Variants in MEGF11 observed in about 807,000 individuals in gnomAD.
The protein encoded by MEGF11 is multiple epidermal growth factor-like domains protein 11.
MEGF11 carries 126 observed loss-of-function variants against 146.6 expected under a neutral mutation model. The observed-to-expected ratio is 0.86, with a 90% CI of 0.74 to 1.00. The LOEUF (loss-of-function observed/expected upper bound fraction) is 1.00, where lower values mean the gene tolerates loss of function less well. Ranked by LOEUF, MEGF11 falls within the 50% of genes least tolerant of loss-of-function variation. The probability of loss-of-function intolerance (pLI) is 0.00; values close to 1 mark genes in which losing one functional copy is unlikely to be tolerated. For missense variants in MEGF11, 1,509 were observed against 1,521.2 expected (o/e 0.99, Z 0.13); for synonymous variants, 532 against 583.4 (o/e 0.91, Z 1.27).
intron 10 of MEGF11, among the ~76,000 whole-genome samples, chr15:65,936,098 T>A (rs769343744): frequency 3.9e-5 from 6 of 152,208 alleles, no homozygotes; most frequent in African/African-American, 7.2e-5. Flanking sequence ...TTGGCATTGA[T>A]GTCCACACGT....
intron 1 of MEGF11, among the ~76,000 whole-genome samples, chr15:66,251,265 C>T (rs538527725): frequency 6.6e-6 from 1 of 152,234 alleles, no homozygotes; most frequent in Non-Finnish European, 1.5e-5. Flanking sequence ...CCTGACAACC[C>T]TCCTTCCCCA....
intron 1 of MEGF11, among the ~76,000 whole-genome samples, chr15:66,186,609 G>A (rs549856951): frequency 6.6e-6 from 1 of 152,198 alleles, no homozygotes; most frequent in Non-Finnish European, 1.5e-5. Flanking sequence ...CATCTCTCGA[G>A]CCCCGGGCTG....
rs1468576841 is a variant in MEGF11, at chr15:65,982,236, A to G, written c.641+6T>C. On this transcript the variant is annotated splice_donor_region_variant and intron_variant, in intron 6 of 25. Coordinates refer to ENST00000395614, the MANE Select transcript of MEGF11 (RefSeq NM_001385028.1). The surrounding 1 kb of genome is among the most constrained non-coding windows in gnomAD (Gnocchi z 5.6). Reference sequence around the variant, plus strand: ...CCGCCCCTCCAGGTCCTGCCGCATGACTCACTAGACGCCGGTGTAGCCAGG... The same window carrying G: ...CCGCCCCTCCAGGTCCTGCCGCATGGCTCACTAGACGCCGGTGTAGCCAGG... 2 of 1,478,786 alleles carry G rather than the reference A, an allele frequency of 1.4e-6. No homozygotes were observed. The highest frequency in any genetic ancestry group is 2.9e-5 in the African/African-American group (2 of 69,178). 91.6% of individuals were successfully genotyped at this position (1,478,786 alleles called of 1,614,324 possible).
chr15:66,082,319 G>A (rs2085890563), intron 5 of MEGF11, among the ~76,000 whole-genome samples: 1 of 150,554 alleles, frequency 6.6e-6, no homozygotes, highest in African/African-American at 2.5e-5. Context: ...CAGGCGTGGT[G>A]GCTCATGCCT....
At chr15:66,207,328 C>A (rs2091325733) in intron 1 of MEGF11, among the ~76,000 whole-genome samples, 1 of 152,178 alleles carries the variant, frequency 6.6e-6, no homozygotes, top group Admixed American at 6.5e-5. Context: ...TCGTCCTGTA[C>A]AATGAAACTC....
chr15:65,962,046 G>A (rs899076191), intron 9 of MEGF11, among the ~76,000 whole-genome samples: 1 of 152,202 alleles, frequency 6.6e-6, no homozygotes, highest in Non-Finnish European at 1.5e-5. Flanking sequence ...ACGGATACTT[G>A]CTTAGACAGA....
At chr15:65,908,484 C>T (rs1219468353) in intron 23 of MEGF11, among the ~76,000 whole-genome samples, 1 of 152,204 alleles carries the variant, frequency 6.6e-6, no homozygotes, top group African/African-American at 2.4e-5. Flanking sequence ...CACCAGATTT[C>T]AGCCCAGGCT....
At chr15:66,181,986 C>G (rs1223116671) in intron 1 of MEGF11, among the ~76,000 whole-genome samples, 2 of 152,204 alleles carry the variant, frequency 1.3e-5, no homozygotes, top group East Asian at 3.8e-4. Flanking sequence ...CAAACCAGCA[C>G]AGAGCCTGGC....
intron 11 of MEGF11, 85 bp from the exon 12 acceptor site, chr15:65,929,968 A>G: frequency 7.6e-7 from 1 of 1,322,758 alleles, no homozygotes; most frequent in East Asian, 2.5e-5. Flanking sequence ...TGCACACAGC[A>G]TTCCACCCAA....
chr15:65,978,801 C>G (rs1351047995), intron 7 of MEGF11, among the ~76,000 whole-genome samples: 1 of 152,180 alleles, frequency 6.6e-6, no homozygotes, highest in Non-Finnish European at 1.5e-5. Context: ...GATGGACAGA[C>G]AGACACCAAG....
chr15:65,923,728 G>A (rs1462125557), intron 13 of MEGF11, among the ~76,000 whole-genome samples: 1 of 152,244 alleles, frequency 6.6e-6, no homozygotes, highest in Admixed American at 6.5e-5. Context: ...AGAGGCTTAT[G>A]GGGGAATGGA....
chr15:65,914,421 C>T (rs745335469), intron 19 of MEGF11, among the ~76,000 whole-genome samples: 5 of 152,154 alleles, frequency 3.3e-5, no homozygotes, highest in Non-Finnish European at 7.3e-5. Flanking sequence ...TTGTGTGGCT[C>T]AGAGTCCCTG....
intron 1 of MEGF11, among the ~76,000 whole-genome samples, chr15:66,128,730 C>T (rs1226271118): frequency 2.6e-5 from 4 of 152,080 alleles, no homozygotes; most frequent in African/African-American, 9.7e-5. Flanking sequence ...GTCCTCAGGC[C>T]CCCGGGCCCA....
chr15:66,145,963 C>A (rs907891771), intron 1 of MEGF11, among the ~76,000 whole-genome samples: 1 of 152,164 alleles, frequency 6.6e-6, no homozygotes. Context: ...TACCGTTGGG[C>A]GCACAGTAAA....
chr15:66,074,098 G>A (rs1342712581), intron 5 of MEGF11, among the ~76,000 whole-genome samples: 1 of 152,146 alleles, frequency 6.6e-6, no homozygotes, highest in African/African-American at 2.4e-5. Context: ...AATTCCTTGG[G>A]TATCCCTCCC....
At chr15:66,232,786 C>T (rs1024257973) in intron 1 of MEGF11, among the ~76,000 whole-genome samples, 23 of 152,162 alleles carry the variant, frequency 1.5e-4, no homozygotes, top group African/African-American at 5.1e-4. Context: ...AGGCCCTGTG[C>T]CAGCCAAGTG....
At chr15:65,989,613 C>T (rs574004301) in intron 5 of MEGF11, among the ~76,000 whole-genome samples, 1 of 152,360 alleles carries the variant, frequency 6.6e-6, no homozygotes, top group East Asian at 1.9e-4. Context: ...TGTCAACTGA[C>T]TTGCCCCAGT....
At chr15:65,956,736 A>G (rs930711498) in intron 10 of MEGF11, among the ~76,000 whole-genome samples, 1 of 152,258 alleles carries the variant, frequency 6.6e-6, no homozygotes, top group African/African-American at 2.4e-5. Flanking sequence ...AGCATAATTC[A>G]TGAGAAAATA....
intron 1 of MEGF11, among the ~76,000 whole-genome samples, chr15:66,187,327 A>T (rs527477998): frequency 1.4e-3 from 213 of 152,288 alleles, no homozygotes; most frequent in African/African-American, 4.9e-3. Flanking sequence ...GGACAGAAAG[A>T]GCAGGCCTTC....
Sources: allele counts gnomAD v4.1 joint callset (sites outside exome capture counted in the v4.1 genomes callset), GRCh38; gene constraint gnomAD v4.1.1; non-coding constraint Gnocchi (gnomAD v3.1); transcripts MANE v1.5; gene names NCBI Gene and HGNC (gene_info 2026-07-23, HGNC 2026-07-21).